The following TTC1 variants were observed in gnomAD, a reference collection of about 807,000 sequenced individuals.
The protein encoded by TTC1 is tetratricopeptide repeat protein 1.
In TTC1, 31 loss-of-function variants were observed where a neutral mutation model predicts 37.6. The observed-to-expected ratio is 0.82, with a 90% CI of 0.62 to 1.11. TTC1 has a LOEUF of 1.11. Ranked by LOEUF, TTC1 falls within the 50% of genes most tolerant of loss-of-function variation. TTC1 has a pLI of 0.00. For synonymous variants in TTC1, 127 were observed against 122.4 expected (o/e 1.04, Z -0.25); for missense variants, 351 against 339.0 (o/e 1.04, Z -0.28).
chr5:160,043,982 T>C (rs971178290), intron 5 of TTC1, among the ~76,000 whole-genome samples: 3 of 152,198 alleles, frequency 2.0e-5, no homozygotes, highest in African/African-American at 7.2e-5. Flanking sequence ...GTTGTTTTGT[T>C]TTGTTTTTCA....
At chr5:160,013,137 T>G (rs1756529820) in intron 2 of TTC1, among the ~76,000 whole-genome samples, 1 of 152,248 alleles carries the variant, frequency 6.6e-6, no homozygotes, top group Admixed American at 6.5e-5. Context: ...TCTTATTATT[T>G]AGAGAAATGT....
chr5:160,058,798 GT>G (rs1757618429), intron 7 of TTC1, among the ~76,000 whole-genome samples: 1 of 152,170 alleles, frequency 6.6e-6, no homozygotes, highest in African/African-American at 2.4e-5. Context: ...GTGTTAGGAG[GT>G]TTGAAAACAA....
chr5:160,012,284 G>A (rs574899319), intron 2 of TTC1, among the ~76,000 whole-genome samples: 2 of 152,160 alleles, frequency 1.3e-5, no homozygotes, highest in East Asian at 3.9e-4. Flanking sequence ...CACAAAGTCT[G>A]ATCCCTACCT....
chr5:160,034,892 A>G (rs559486406), intron 2 of TTC1, among the ~76,000 whole-genome samples: 1 of 152,224 alleles, frequency 6.6e-6, no homozygotes, highest in Non-Finnish European at 1.5e-5. Context: ...ATAGAAACAT[A>G]GAAAGCAAAG....
intron 2 of TTC1, among the ~76,000 whole-genome samples, chr5:160,019,525 C>T (rs546991659): frequency 1.3e-5 from 2 of 151,730 alleles, no homozygotes; most frequent in Non-Finnish European, 2.9e-5. Context: ...CCTGCATAGT[C>T]CTGTTAACGT....
At chr5:160,023,648 G>T in intron 2 of TTC1, 1 of 1,086,018 alleles carries the variant, frequency 9.2e-7, no homozygotes, top group Non-Finnish European at 1.4e-6. Context: ...AGGTGACTAA[G>T]CTTCCAAATA....
chr5:160,053,413 A>T (rs1479872448), intron 7 of TTC1, among the ~76,000 whole-genome samples: 2 of 152,060 alleles, frequency 1.3e-5, no homozygotes, highest in Non-Finnish European at 2.9e-5. Context: ...TCACTAAAAA[A>T]ATTAGCCAGG....
At chr5:160,033,713 T>A (rs1157006383) in intron 2 of TTC1, among the ~76,000 whole-genome samples, 1 of 152,196 alleles carries the variant, frequency 6.6e-6, no homozygotes, top group Non-Finnish European at 1.5e-5. Context: ...GTGAACTCAC[T>A]ATCATGAGAA....
At chr5:160,019,451 A>G (rs7732067) in intron 2 of TTC1, among the ~76,000 whole-genome samples, 24,168 of 151,728 alleles carry the variant, frequency 0.16, 2,164 homozygotes, top group East Asian at 0.27. Context: ...GTGGCTGTGG[A>G]TGTGTTTGCA....
intron 7 of TTC1, among the ~76,000 whole-genome samples, chr5:160,055,652 C>G (rs1581122830): frequency 6.6e-6 from 1 of 152,230 alleles, no homozygotes; most frequent in Non-Finnish European, 1.5e-5. Flanking sequence ...TTTAACCTCT[C>G]AAGTGTTTCT....
intron 7 of TTC1, among the ~76,000 whole-genome samples, chr5:160,053,930 A>G: frequency 6.6e-6 from 1 of 152,188 alleles, no homozygotes; most frequent in East Asian, 1.9e-4. Context: ...TTTCTAGCCC[A>G]TCATTTATAA....
intron 7 of TTC1, chr5:160,061,827 G>T (rs915063037): frequency 6.6e-6 from 1 of 152,252 alleles, no homozygotes; most frequent in Non-Finnish European, 1.5e-5. Flanking sequence ...TTTACTGGGG[G>T]AAACACCTGC....
intron 7 of TTC1, among the ~76,000 whole-genome samples, chr5:160,055,743 A>G (rs1283401300): frequency 6.6e-6 from 1 of 152,238 alleles, no homozygotes; most frequent in East Asian, 1.9e-4. Flanking sequence ...TAGAGGCCAG[A>G]GGAGGGCATG....
intron 7 of TTC1, among the ~76,000 whole-genome samples, chr5:160,054,557 T>TA (rs1376653716): frequency 1.3e-5 from 2 of 151,390 alleles, no homozygotes; most frequent in East Asian, 3.9e-4. Context: ...TTTGCAGTGT[T>TA]ACGATGGTAC....
rs201431453 is a variant in TTC1 at position 160,036,804 on chromosome 5, G to C, written c.504+1G>C. The C allele has an allele frequency of 1.3e-6, 2 of 1,599,434 alleles. No homozygotes were observed. Among genetic ancestry groups the C allele is most frequent in the Non-Finnish European group, 1.7e-6 (2 of 1,167,744 alleles). ...TAGAGCTGCAGCAAGGATGAAACAG[G>C]TATGTATCTGTGACCTTTTCTTTTT... On this transcript the variant is annotated splice_donor_variant, in intron 4 of 7. Transcript: ENST00000231238. LOFTEE classifies it high-confidence loss of function.
chr5:160,032,478 G>A (rs1237079593), intron 2 of TTC1, among the ~76,000 whole-genome samples: 1 of 152,082 alleles, frequency 6.6e-6, no homozygotes, highest in Non-Finnish European at 1.5e-5. Context: ...TTGAGTGGCA[G>A]TACCCCATGT....
intron 5 of TTC1, among the ~76,000 whole-genome samples, chr5:160,045,242 G>A (rs563731603): frequency 1.3e-5 from 2 of 152,094 alleles, no homozygotes; most frequent in African/African-American, 4.8e-5. Flanking sequence ...GCTGCAGCCC[G>A]AAGTGTAGGA....
At chr5:160,060,013 A>G (rs766515798) in intron 7 of TTC1, among the ~76,000 whole-genome samples, 12 of 152,256 alleles carry the variant, frequency 7.9e-5, no homozygotes, top group Non-Finnish European at 1.5e-4. Context: ...AAGAATTTCA[A>G]CTGGGCATGA....
chr5:160,065,169 T>A lies in TTC1; in HGVS notation c.*104T>A. The A allele has an allele frequency of 6.7e-7, 1 of 1,486,290 alleles. No homozygotes were observed. Among genetic ancestry groups the A allele is most frequent in the Non-Finnish European group, 9.1e-7 (1 of 1,101,340 alleles). 92.1% of individuals were successfully genotyped at this position (1,486,290 alleles called of 1,614,324 possible). ...GTTTAACTTTTAAAAGCATCTTATC[T>A]AAAAGAAAGGCTATCCAGTAGAGCC... On this transcript the variant is annotated 3_prime_UTR_variant, in exon 8 of 8. Transcript: ENST00000231238.
Sources: gnomAD v4.1 joint callset for allele counts (sites outside exome capture counted in the v4.1 genomes callset) on GRCh38, gnomAD v4.1.1 for gene constraint, MANE v1.5 for transcripts, NCBI Gene and HGNC (gene_info 2026-07-23, HGNC 2026-07-21) for gene names.